SIRT5: variants seen among roughly 807,000 people sequenced by gnomAD.
SIRT5 encodes the protein sirtuin 5.
In SIRT5, 26 loss-of-function variants were observed where a neutral mutation model predicts 40.0. The ratio of observed to expected loss-of-function variants is 0.65; its 90% CI spans 0.48 to 0.90. The LOEUF (loss-of-function observed/expected upper bound fraction) is 0.90, where lower values mean the gene tolerates loss of function less well. Ranked by LOEUF, SIRT5 falls within the 40% of genes least tolerant of loss-of-function variation. The pLI is 0.00. For missense variants in SIRT5, 401 were observed against 402.4 expected (o/e 1.00, Z 0.03); for synonymous variants, 146 against 149.1 (o/e 0.98, Z 0.15).
intron 7 of SIRT5, among the ~76,000 whole-genome samples, chr6:13,597,935 GA>G (rs1229126069): frequency 2.0e-5 from 3 of 152,028 alleles, no homozygotes; most frequent in South Asian, 4.1e-4. Flanking sequence ...GACATTACTT[GA>G]AAAAAACATG....
Position 13,591,833 on chromosome 6 carries a change from C to G in SIRT5, c.414C>G (p.Ile138Met), listed in dbSNP as rs202196150. The G allele has an allele frequency of 6.2e-7, 1 of 1,614,152 alleles. No individual in the cohort carries two copies. The highest frequency in any genetic ancestry group is 8.5e-7 in the Non-Finnish European group (1 of 1,179,988). Reference protein sequence around the residue: ...LGKQGRRVVVITQNIDELHRK... With the variant: ...LGKQGRRVVVMTQNIDELHRK... ...AGCAGGGCCGGCGAGTCGTGGTCAT[C>G]ACCCAGAACATCGATGAGCTGCACC... Residue 138 changes from isoleucine (I) to methionine (M), a missense_variant, in exon 5 of 10, where the codon ATC (isoleucine) becomes ATG (methionine). Coordinates refer to ENST00000606117, the MANE Select transcript of SIRT5 (RefSeq NM_012241.5).
In SIRT5 at chr6:13,591,827, G is replaced by T. The variant is rs1418797740; in HGVS notation, c.408G>T (p.Val136=). 1 of 1,614,130 alleles carries T rather than the reference G, an allele frequency of 6.2e-7. No homozygotes were observed. The highest frequency in any genetic ancestry group is 1.7e-5 in the Admixed American group (1 of 60,026). ...TGGGCAAGCAGGGCCGGCGAGTCGT[G>T]GTCATCACCCAGAACATCGATGAGC... ...TRLGKQGRRV[V]VITQNIDELH... is the part of the protein sequence containing the mutation. The change falls in exon 5 of 10, where the codon GTG becomes GTT. Residue 136 remains valine, a synonymous_variant. Coordinates refer to ENST00000606117, the MANE Select transcript of SIRT5 (RefSeq NM_012241.5).
intron 9 of SIRT5, among the ~76,000 whole-genome samples, chr6:13,603,536 A>T (rs1685121173): frequency 6.6e-6 from 1 of 152,242 alleles, no homozygotes; most frequent in African/African-American, 2.4e-5. Flanking sequence ...CACAGCCACA[A>T]GCGTGGCTAT....
chr6:13,582,836 G>A (rs1359687700), intron 2 of SIRT5, among the ~76,000 whole-genome samples: 1 of 152,170 alleles, frequency 6.6e-6, no homozygotes, highest in East Asian at 1.9e-4. Context: ...GTGACACGAT[G>A]TTATCTTAAT....
At position 13,607,389 on chromosome 6, in the gene SIRT5, C is replaced by T. The variant is rs1052117525; in HGVS notation, c.858-4401C>T. On this transcript the variant is annotated intron_variant, in intron 9 of 9. Transcript: ENST00000606117. The surrounding 1 kb of genome is among the most constrained non-coding windows in gnomAD (Gnocchi z 4.0). The stretch of plus-strand genomic sequence containing the variant: ...TGAAGCAGTCTTCCCCCATCTTTTA[C>T]ACCTACACCTAATTTAACCAAATTA... Among the ~76,000 whole-genome samples, 1 of 152,056 alleles carries T rather than the reference C, an allele frequency of 6.6e-6. No individual in the cohort carries two copies. Among genetic ancestry groups the T allele is most frequent in the African/African-American group, 2.4e-5 (1 of 41,386 alleles).
chr6:13,608,845 G>T (rs146602098), intron 9 of SIRT5, among the ~76,000 whole-genome samples: 4 of 150,088 alleles, frequency 2.7e-5, no homozygotes, highest in Admixed American at 2.0e-4. Flanking sequence ...TCTTTGAGAT[G>T]GAGTTTTGCT....
At chr6:13,606,853 T>A (rs1763184025) in intron 9 of SIRT5, among the ~76,000 whole-genome samples, 1 of 152,082 alleles carries the variant, frequency 6.6e-6, no homozygotes. Flanking sequence ...GGCTAATTTT[T>A]GTATTTTTAG....
chr6:13,608,599 AAG>A (rs1174963713), intron 9 of SIRT5, among the ~76,000 whole-genome samples: 4 of 151,718 alleles, frequency 2.6e-5, no homozygotes, highest in African/African-American at 4.8e-5. Context: ...AAAAAAAAAA[AAG>A]AGAGAGAGAA....
Position 13,584,224 on chromosome 6 carries a change from A to G in SIRT5, c.114A>G (p.Ser38=). The G allele has an allele frequency of 6.2e-7, 1 of 1,612,848 alleles. No homozygotes were observed. The highest frequency in any genetic ancestry group is 8.5e-7 in the Non-Finnish European group (1 of 1,178,794). ...GCCTGAAAATGGCTCGGCCAAGTTC[A>G]AGTAAGTCATTTTACCCATTGCCTC... ...QICLKMARPS[S]SMADFRKFFA... The change falls in exon 3 of 10, where the codon TCA becomes TCG. Residue 38 remains serine (S), a splice_region_variant and synonymous_variant. Coordinates refer to ENST00000606117, the MANE Select transcript of SIRT5 (RefSeq NM_012241.5).
At chr6:13,595,843 T>G (rs1761506276) in intron 6 of SIRT5, among the ~76,000 whole-genome samples, 1 of 151,864 alleles carries the variant, frequency 6.6e-6, no homozygotes, top group African/African-American at 2.4e-5. Context: ...ACCACAAAAA[T>G]TAGCTGGGTG....
At chr6:13,596,502 T>TC (rs1451579073) in intron 6 of SIRT5, among the ~76,000 whole-genome samples, 1 of 152,028 alleles carries the variant, frequency 6.6e-6, no homozygotes, top group Admixed American at 6.6e-5. Context: ...TTTTTTTTTT[T>TC]CTGAGACAGG....
intron 5 of SIRT5, among the ~76,000 whole-genome samples, chr6:13,592,510 C>T (rs1226334212): frequency 6.6e-6 from 1 of 152,166 alleles, no homozygotes; most frequent in East Asian, 1.9e-4. Context: ...CCTCAGAGAG[C>T]TGCCAGCTCA....
chr6:13,584,115 G>A lies in SIRT5; in HGVS notation c.5G>A (p.Arg2Gln), dbSNP rs150779718. 1.1e-4 allele frequency: 184 copies of A among 1,613,318 alleles called. No individual in the cohort carries two copies. In the African/African-American group the frequency reaches 2.1e-3, roughly 19 times the overall value. M[R>Q]PLQIVPSRLI... ...TAGAACTACAGACAAACCCTGATGCGACCTCTCCAGATTGTCCCAAGTCGA... is the reference window on the plus strand; with the variant it reads ...TAGAACTACAGACAAACCCTGATGCAACCTCTCCAGATTGTCCCAAGTCGA... Residue 2 changes from arginine (R) to glutamine (Q), a missense_variant, in exon 3 of 10, where the codon CGA (arginine) becomes CAA (glutamine). Physicochemically the swap from Arg to Gln is conservative, Grantham distance 43. Transcript: ENST00000606117.
At chr6:13,596,927 A>G (rs745505738) in intron 6 of SIRT5, 36 bp from the exon 7 acceptor site, 5 of 1,528,312 alleles carry the variant, frequency 3.3e-6, no homozygotes, top group East Asian at 2.3e-5. Flanking sequence ...TATTATGCCA[A>G]TAACAATCTT....
At chr6:13,582,687 T>G (rs998380801) in intron 2 of SIRT5, among the ~76,000 whole-genome samples, 2 of 152,104 alleles carry the variant, frequency 1.3e-5, no homozygotes, top group Non-Finnish European at 2.9e-5. Context: ...ACCGTTATAT[T>G]TTCTGCCCCC....
chr6:13,604,558 G>A, intron 9 of SIRT5: 2 of 1,577,522 alleles, frequency 1.3e-6, no homozygotes, highest in Non-Finnish European at 1.7e-6. Context: ...AATGCAGATA[G>A]AGAAAAAGAA....
At position 13,607,692 on chromosome 6, in the gene SIRT5, G is replaced by C. The variant is rs1763298240; in HGVS notation, c.858-4098G>C. Among the ~76,000 whole-genome samples, 1 of 152,112 alleles carries C rather than the reference G, an allele frequency of 6.6e-6. No homozygotes were observed. The highest frequency in any genetic ancestry group is 1.5e-5 in the Non-Finnish European group (1 of 68,020). On this transcript the variant is annotated intron_variant, in intron 9 of 9. Transcript: ENST00000606117. The surrounding 1 kb of genome is among the most constrained non-coding windows in gnomAD (Gnocchi z 4.0). ...CCCATTTTAAAAGTTGACATCTAAGGTTTTTTAAATCAAATATAGTTGGAG... is the reference window on the plus strand; with the variant it reads ...CCCATTTTAAAAGTTGACATCTAAGCTTTTTTAAATCAAATATAGTTGGAG...
intron 5 of SIRT5, among the ~76,000 whole-genome samples, chr6:13,592,244 C>T (rs1761012982): frequency 6.6e-6 from 1 of 152,160 alleles, no homozygotes; most frequent in East Asian, 1.9e-4. Context: ...CTGCATTTTC[C>T]CATGAGCCCA....
At chr6:13,578,616 C>CAAAA (rs60663066) in intron 1 of SIRT5, among the ~76,000 whole-genome samples, 7 of 36,782 alleles carry the variant, frequency 1.9e-4, no homozygotes, top group African/African-American at 2.7e-4. Flanking sequence ...GACTCCATCT[C>CAAAA]AAAAAAAAAA....
Sources: gnomAD v4.1 joint callset for allele counts (sites outside exome capture counted in the v4.1 genomes callset) on GRCh38, gnomAD v4.1.1 for gene constraint, Gnocchi (gnomAD v3.1) non-coding constraint, MANE v1.5 for transcripts, NCBI Gene and HGNC (gene_info 2026-07-23, HGNC 2026-07-21) for gene names.